Variants in HELZ observed in about 807,000 individuals in gnomAD.
The protein encoded by HELZ is helicase with zinc finger.
Under a neutral mutation model 218.2 loss-of-function variants are expected in HELZ, and 23 were observed. The observed-to-expected ratio is 0.11, with a 90% CI of 0.08 to 0.15. The LOEUF is 0.15. HELZ is among the 10% of genes least tolerant of loss of function. HELZ has a pLI of 1.00. For missense variants in HELZ, 1,813 were observed against 2,353.7 expected (o/e 0.77, Z 4.75); for synonymous variants, 814 against 829.4 (o/e 0.98, Z 0.32).
intron 12 of HELZ, among the ~76,000 whole-genome samples, chr17:67,180,877 C>CAAA (rs1019801835): frequency 5.3e-4 from 22 of 41,846 alleles, no homozygotes; most frequent in South Asian, 9.4e-4. Context: ...GACTCCATCT[C>CAAA]AAAAAAAAAA....
intron 17 of HELZ, 64 bp from the exon 18 acceptor site, chr17:67,151,288 A>G (rs2038673839): frequency 1.6e-6 from 2 of 1,235,022 alleles, no homozygotes; most frequent in Admixed American, 4.0e-5. Flanking sequence ...CTAGTTATTA[A>G]AACACTGACA....
At chr17:67,186,498 G>A (rs1434927947) in intron 12 of HELZ, among the ~76,000 whole-genome samples, 1 of 152,130 alleles carries the variant, frequency 6.6e-6, no homozygotes, top group East Asian at 1.9e-4. Context: ...ACTCGTATCT[G>A]AGGCAGAAGT....
chr17:67,126,727 G>A (rs2037810144), intron 24 of HELZ, among the ~76,000 whole-genome samples: 1 of 152,050 alleles, frequency 6.6e-6, no homozygotes, highest in South Asian at 2.1e-4. Context: ...TGGGCATGGT[G>A]GCGCTTGGCT....
intron 27 of HELZ, among the ~76,000 whole-genome samples, chr17:67,116,062 T>A (rs189242102): frequency 1.1e-3 from 167 of 152,264 alleles, no homozygotes; most frequent in Non-Finnish European, 1.8e-3. Context: ...ACTTTAAGCT[T>A]CCTTTACTGT....
In HELZ at chr17:67,167,524, A is replaced by T; in HGVS notation, c.1703T>A (p.Phe568Tyr). 1 of 1,613,860 alleles carries T rather than the reference A, an allele frequency of 6.2e-7. No homozygotes were observed. Among genetic ancestry groups the T allele is most frequent in the Non-Finnish European group, 8.5e-7 (1 of 1,179,746 alleles). Residue 568 changes from phenylalanine (F) to tyrosine (Y), a missense_variant, in exon 14 of 33, where the codon TTT (phenylalanine) becomes TAT (tyrosine). Around this residue, in one of 4 missense-constraint regions of HELZ, gnomAD observed 714 missense variants for 1,029.2 expected, o/e 0.69. Coordinates refer to ENST00000358691, the MANE Select transcript of HELZ (RefSeq NM_014877.4). ...TIEEKTKEYI[F>Y]LRLSRECCEE... The stretch of plus-strand genomic sequence containing the variant: ...ACAGCATTCCCTAGATAGCCTTAAA[A>T]ATATATATTCCTTTGTTTTTTCTTC...
chr17:67,114,321 T>C lies in HELZ; in HGVS notation c.3918+3A>G. 6.3e-7 allele frequency: 1 copy of C among 1,590,910 alleles called. No individual in the cohort carries two copies. The highest frequency in any genetic ancestry group is 8.6e-7 in the Non-Finnish European group (1 of 1,158,926). ...AGGACAACACAGTAACTAAGCAGCA[T>C]ACCTGTTTTGGTTCTGTTGGCTTTT... On this transcript the variant is annotated splice_donor_region_variant and intron_variant, in intron 28 of 32. Coordinates refer to ENST00000358691, the MANE Select transcript of HELZ (RefSeq NM_014877.4).
Position 67,166,558 on chromosome 17 carries a change from A to G in HELZ, c.1815T>C (p.Tyr605=). Reference sequence around the variant, plus strand: ...CATTGTCCTTGATCCTGTCTAGTGCATAGTGCATTTCACAGAGGGGTAATC... The same window carrying G: ...CATTGTCCTTGATCCTGTCTAGTGCGTAGTGCATTTCACAGAGGGGTAATC... The part of the protein sequence containing the change: ...LNRLPLCEMH[Y]ALDRIKDNGV... The change falls in exon 15 of 33, where the codon TAT becomes TAC. Residue 605 remains tyrosine, a synonymous_variant. Coordinates refer to ENST00000358691, the MANE Select transcript of HELZ (RefSeq NM_014877.4). 1 of 1,613,010 alleles carries G rather than the reference A, an allele frequency of 6.2e-7. No individual in the cohort carries two copies. The highest frequency in any genetic ancestry group is 8.5e-7 in the Non-Finnish European group (1 of 1,178,988).
intron 3 of HELZ, among the ~76,000 whole-genome samples, chr17:67,231,716 T>C (rs1348383302): frequency 6.6e-6 from 1 of 152,072 alleles, no homozygotes; most frequent in Non-Finnish European, 1.5e-5. Context: ...CTCTGACCTA[T>C]ACTTCTTAAT....
At chr17:67,167,252 A>G (rs1400325014) in intron 14 of HELZ, among the ~76,000 whole-genome samples, 1 of 152,210 alleles carries the variant, frequency 6.6e-6, no homozygotes, top group Non-Finnish European at 1.5e-5. Flanking sequence ...TCAACCTTGT[A>G]TAACACTGGA....
rs753711814 is a variant in HELZ at position 67,160,249 on chromosome 17, T to TA, written c.2177+11dup. The TA allele has an allele frequency of 9.4e-5, 139 of 1,475,280 alleles. No homozygotes were observed. The highest frequency in any genetic ancestry group is 1.4e-4 in the African/African-American group (10 of 72,034). The allele number at this position is 1,475,280 out of a possible 1,614,324, so 91.4% of individuals were successfully genotyped here. On this transcript the variant is annotated intron_variant, in intron 17 of 32. Coordinates refer to ENST00000358691, the MANE Select transcript of HELZ (RefSeq NM_014877.4). ...TATGATACAGATACATAATAAGCCT[T>TA]AAAAAAAATACCTGAGAGGTCTTGC...
At chr17:67,141,081 G>A (rs750749074) in intron 21 of HELZ, among the ~76,000 whole-genome samples, 25 of 152,152 alleles carry the variant, frequency 1.6e-4, no homozygotes, top group Non-Finnish European at 3.4e-4. Flanking sequence ...ACTAAAGGAA[G>A]TTCTTCAGGC....
chr17:67,086,888 G>C lies in HELZ; in HGVS notation c.5435C>G (p.Pro1812Arg). 6.2e-7 allele frequency: 1 copy of C among 1,613,544 alleles called. No homozygotes were observed. Among genetic ancestry groups the C allele is most frequent in the Non-Finnish European group, 8.5e-7 (1 of 1,179,910 alleles). ...TCCATTGCACGGAATGTTCTGATAA[G>C]GAGTAGATGAGGTGGTGTTTACCCA... is the stretch of plus-strand genomic sequence containing the variant. ...ESWVNTTSST[P>R]YQNIPCNGSS... The change falls in exon 32 of 33, where the codon CCT becomes CGT. Residue 1812 changes from proline to arginine, a missense_variant. Physicochemically the swap from Pro to Arg is moderately radical, Grantham distance 103. Coordinates refer to ENST00000358691, the MANE Select transcript of HELZ (RefSeq NM_014877.4).
chr17:67,129,333 T>G (rs1359059427), intron 23 of HELZ, among the ~76,000 whole-genome samples: 2 of 151,782 alleles, frequency 1.3e-5, no homozygotes, highest in African/African-American at 4.8e-5. Flanking sequence ...TATACACGCA[T>G]GTATATGTGT....
intron 5 of HELZ, among the ~76,000 whole-genome samples, chr17:67,212,357 CA>C (rs1355055074): frequency 9.2e-6 from 1 of 108,116 alleles, no homozygotes; most frequent in Admixed American, 1.0e-4. Context: ...ATATAAAATG[CA>C]AACATAAGAA....
intron 23 of HELZ, among the ~76,000 whole-genome samples, chr17:67,134,245 C>T (rs1384492961): frequency 3.9e-5 from 6 of 152,084 alleles, no homozygotes; most frequent in Middle Eastern, 3.4e-3. Flanking sequence ...ATTAGCTGGG[C>T]GTGGTGGCGC....
intron 3 of HELZ, among the ~76,000 whole-genome samples, chr17:67,238,349 CAAAAAAA>C (rs71368808): frequency 1.9e-4 from 9 of 46,962 alleles, no homozygotes; most frequent in East Asian, 6.8e-4. Flanking sequence ...CTCTGTCTCT[CAAAAAAA>C]AAAAAAAAAA....
chr17:67,162,800 GA>G (rs953558156), intron 15 of HELZ, among the ~76,000 whole-genome samples: 1 of 151,466 alleles, frequency 6.6e-6, no homozygotes, highest in African/African-American at 2.4e-5. Flanking sequence ...AGCTGACCAG[GA>G]AAAGTAAATA....
At chr17:67,148,108 C>T (rs8066479) in intron 20 of HELZ, among the ~76,000 whole-genome samples, 91,306 of 152,110 alleles carry the variant, frequency 0.6, 28,710 homozygotes, top group East Asian at 0.88. Context: ...GCCAGCCGGT[C>T]AGAAGTAAGG....
rs1223671120 is a variant in HELZ at position 67,160,887 on chromosome 17, A to C, written c.2075+10T>G. 2.5e-6 allele frequency: 4 copies of C among 1,586,272 alleles called. No individual in the cohort carries two copies. Among genetic ancestry groups the C allele is most frequent in the Non-Finnish European group, 3.4e-6 (4 of 1,165,176 alleles). ...CCAGGGAAATATGAGCACGCTTCCC[A>C]CCCTCTCACCTAGTCTCCTGTTGCT... is the stretch of plus-strand genomic sequence containing the variant. On this transcript the variant is annotated intron_variant, in intron 16 of 32. Coordinates refer to ENST00000358691, the MANE Select transcript of HELZ (RefSeq NM_014877.4).
Sources: gnomAD v4.1 joint callset for allele counts (sites outside exome capture counted in the v4.1 genomes callset) on GRCh38, gnomAD v4.1.1 for gene constraint, gnomAD v4.1.1 regional missense constraint, MANE v1.5 for transcripts, NCBI Gene and HGNC (gene_info 2026-07-23, HGNC 2026-07-21) for gene names.